ANKRD62: variants seen among roughly 807,000 people sequenced by gnomAD.
ANKRD62 encodes the protein ankyrin repeat domain-containing protein 62.
Under a neutral mutation model 98.8 loss-of-function variants are expected in ANKRD62, and 61 were observed. That is an observed-to-expected ratio of 0.62 (90% CI 0.50 to 0.76). The LOEUF (loss-of-function observed/expected upper bound fraction) is 0.76, where lower values mean the gene tolerates loss of function less well. ANKRD62 is among the 30% of genes least tolerant of loss of function. ANKRD62 has a pLI of 0.00. For synonymous variants in ANKRD62, 341 were observed against 367.9 expected, an observed-to-expected ratio of 0.93 and a Z score of 0.84; for missense variants, 933 against 1,082.9, an observed-to-expected ratio of 0.86 and a Z score of 1.94.
intron 6 of ANKRD62, among the ~76,000 whole-genome samples, chr18:12,100,101 G>A (rs1909266877): frequency 6.6e-6 from 1 of 151,998 alleles, no homozygotes; most frequent in Admixed American, 6.6e-5. Flanking sequence ...GTGGGATTTA[G>A]GGGTACCAGT....
chr18:12,178,596 A>G, the ANKRD62 span, among the ~76,000 whole-genome samples: 1 of 147,178 alleles, frequency 6.8e-6, no homozygotes, highest in African/African-American at 2.6e-5. Context: ...AAGTAAATAT[A>G]ATCGAGGTAT....
At chr18:12,096,077 T>C (rs78608733) in intron 3 of ANKRD62, 119 bp from the exon 4 acceptor site, 1 of 706,392 alleles carries the variant, frequency 1.4e-6, no homozygotes, top group Non-Finnish European at 2.3e-6. Context: ...AAGGAAGGGA[T>C]TGCTTTTTAT....
chr18:12,093,883 T>C lies in ANKRD62; in HGVS notation c.-135T>C. 1.3e-6 allele frequency: 1 copy of C among 779,622 alleles called. No individual in the cohort carries two copies. The highest frequency in any genetic ancestry group is 2.1e-6 in the Non-Finnish European group (1 of 477,582). 48.3% of individuals were successfully genotyped at this position (779,622 alleles called of 1,614,324 possible). On this transcript the variant is annotated 5_prime_UTR_variant, in exon 1 of 14. Transcript: ENST00000587848. ...GGTGCTCCTCCGAGCAGCTGGAGAC[T>C]GGAGTGTCCCTGACGGAGGTTGCGG...
the ANKRD62 span, among the ~76,000 whole-genome samples, chr18:12,155,828 A>G: frequency 6.6e-6 from 1 of 152,168 alleles, no homozygotes; most frequent in Non-Finnish European, 1.5e-5. Flanking sequence ...TGGAAAGGGT[A>G]CTTCCTTCAG....
rs1229945648 is a variant in ANKRD62 at position 12,094,108 on chromosome 18, G to C, written c.91G>C (p.Gly31Arg). The change falls in exon 1 of 14, where the codon GGG (glycine) becomes CGG (arginine). Residue 31 changes from glycine to arginine, a missense_variant. Gly to Arg is a moderately radical substitution (Grantham distance 125). Around this residue, in one of 3 missense-constraint regions of ANKRD62, gnomAD observed 549 missense variants for 587.9 expected, o/e 0.93. Transcript: ENST00000587848. ...TGACAAGGATGGCTTCTCAAATCCC[G>C]GGTACCGAGTCCGGCAGAAGGATCT... The part of the protein sequence containing the change: ...NRDKDGFSNP[G>R]YRVRQKDLGM... 3 of 1,534,478 alleles carry C rather than the reference G, an allele frequency of 2.0e-6. No homozygotes were observed. Among genetic ancestry groups the C allele is most frequent in the African/African-American group, 1.4e-5 (1 of 72,612 alleles).
At chr18:12,172,113 C>T in the ANKRD62 span, among the ~76,000 whole-genome samples, 2 of 151,026 alleles carry the variant, frequency 1.3e-5, no homozygotes. Context: ...TTTCTTATTA[C>T]TGATCATCTG....
the ANKRD62 span, among the ~76,000 whole-genome samples, chr18:12,172,875 G>A: frequency 1.3e-5 from 2 of 152,226 alleles, no homozygotes; most frequent in Non-Finnish European, 2.9e-5. Context: ...CTAGCAGTGA[G>A]TGAGGCTCCA....
chr18:12,135,046 C>CTTT, the ANKRD62 span, among the ~76,000 whole-genome samples: 2 of 145,448 alleles, frequency 1.4e-5, no homozygotes, highest in Non-Finnish European at 3.0e-5. Flanking sequence ...TGTTTCCTGA[C>CTTT]TTTTTTTTTT....
In ANKRD62 at chr18:12,096,196, G is replaced by A; in HGVS notation, c.508G>A (p.Asp170Asn). ...YGADIEARSQ[D>N]GHTSLLLAVN... is the part of the protein sequence containing the mutation. ...ATAAATTGTTTTTGCTGTTTTGCAG[G>A]ATGGACATACATCACTTTTACTCGC... Residue 170 changes from aspartate to asparagine, a missense_variant and splice_region_variant, in exon 4 of 14, where the codon GAT becomes AAT. Asp to Asn is a conservative substitution (Grantham distance 23). This residue lies in a region of ANKRD62 where 549 missense variants were observed against 587.9 expected (regional missense o/e 0.93). Coordinates refer to ENST00000587848, the MANE Select transcript of ANKRD62 (RefSeq NM_001277333.2). 6.6e-7 allele frequency: 1 copy of A among 1,522,282 alleles called. No homozygotes were observed. The highest frequency in any genetic ancestry group is 8.8e-7 in the Non-Finnish European group (1 of 1,137,286). 94.3% of individuals were successfully genotyped at this position (1,522,282 alleles called of 1,614,324 possible).
At chr18:12,097,986 T>G (rs1004402536) in intron 5 of ANKRD62, among the ~76,000 whole-genome samples, 1 of 152,216 alleles carries the variant, frequency 6.6e-6, no homozygotes, top group Non-Finnish European at 1.5e-5. Flanking sequence ...TCAAGTCTCT[T>G]AAGACTTCTA....
In ANKRD62 at chr18:12,124,117, A is replaced by G. The variant is rs183197721; in HGVS notation, c.1455-20A>G. 7 of 1,193,034 alleles carry G rather than the reference A, an allele frequency of 5.9e-6. No individual in the cohort carries two copies. Among genetic ancestry groups the G allele is most frequent in the South Asian group, 1.4e-5 (1 of 70,730 alleles). The allele number at this position is 1,193,034 out of a possible 1,614,324, so 73.9% of individuals were successfully genotyped here. On this transcript the variant is annotated intron_variant, in intron 11 of 13. Transcript: ENST00000587848. Reference sequence around the variant, plus strand: ...TGTTTTGTTTTTAAAGGCTTTTAAGATAAGTATATTTAACTACAGATTTAT... The same window carrying G: ...TGTTTTGTTTTTAAAGGCTTTTAAGGTAAGTATATTTAACTACAGATTTAT...
chr18:12,122,066 G>A (rs1335308085), intron 10 of ANKRD62, among the ~76,000 whole-genome samples: 3 of 152,084 alleles, frequency 2.0e-5, no homozygotes, highest in Non-Finnish European at 4.4e-5. Context: ...GCATCTATCC[G>A]AATTTGTAAT....
At chr18:12,178,172 T>C in the ANKRD62 span, among the ~76,000 whole-genome samples, 6 of 151,310 alleles carry the variant, frequency 4.0e-5, 1 homozygote, top group African/African-American at 1.5e-4. Flanking sequence ...GAAAGTGACA[T>C]GTAAGGCAAG....
rs1568065569 is a variant in ANKRD62, at chr18:12,123,787, C to CT, written c.1455-343dup. ...GTATCAACTTGTTTATAAAAAATAACTTTTTTTAAAATTAGCTAACTCTAA... is the reference window on the plus strand; with the variant it reads ...GTATCAACTTGTTTATAAAAAATAACTTTTTTTTAAAATTAGCTAACTCTAA... On this transcript the variant is annotated intron_variant, in intron 11 of 13. Transcript: ENST00000587848. Among the ~76,000 whole-genome samples, 8 of 152,226 alleles carry CT rather than the reference C, an allele frequency of 5.3e-5. No individual in the cohort carries two copies. The South Asian group carries it at 1.7e-3, about 32-fold the overall frequency.
At chr18:12,118,575 C>T (rs981494476) in intron 10 of ANKRD62, among the ~76,000 whole-genome samples, 3 of 148,040 alleles carry the variant, frequency 2.0e-5, no homozygotes, top group Non-Finnish European at 3.0e-5. Context: ...TGTCATCGCA[C>T]TCCAGTCTCG....
rs1047488532 is a variant in ANKRD62, at chr18:12,094,125, G to C, written c.108G>C (p.Gln36His). 6.5e-7 allele frequency: 1 copy of C among 1,534,172 alleles called. No homozygotes were observed. The highest frequency in any genetic ancestry group is 1.2e-5 in the South Asian group (1 of 83,926). Reference protein sequence around the residue: ...GFSNPGYRVRQKDLGMIHKAA... With the variant: ...GFSNPGYRVRHKDLGMIHKAA... The stretch of plus-strand genomic sequence containing the variant: ...CAAATCCCGGGTACCGAGTCCGGCA[G>C]AAGGATCTGGGCATGATCCACAAAG... The change falls in exon 1 of 14, where the codon CAG (glutamine) becomes CAC (histidine). Residue 36 changes from glutamine (Q) to histidine (H), a missense_variant. Transcript: ENST00000587848.
the ANKRD62 span, among the ~76,000 whole-genome samples, chr18:12,169,753 C>T: frequency 2.0e-5 from 3 of 152,076 alleles, no homozygotes; most frequent in Admixed American, 1.3e-4. Context: ...GCTGTGAATC[C>T]GTCTGGTCCT....
chr18:12,115,204 T>C (rs1419445909), intron 9 of ANKRD62, 83 bp downstream of exon 9: 1 of 1,323,344 alleles, frequency 7.6e-7, no homozygotes, highest in Non-Finnish European at 9.8e-7. Flanking sequence ...TCTTTTGCTG[T>C]AAAGACATTG....
chr18:12,172,444 G>A, the ANKRD62 span, among the ~76,000 whole-genome samples: 3 of 152,018 alleles, frequency 2.0e-5, no homozygotes, highest in Non-Finnish European at 2.9e-5. Context: ...ACTAGTGGAG[G>A]CTTGCAGAAC....
Sources: allele counts gnomAD v4.1 joint callset (sites outside exome capture counted in the v4.1 genomes callset), GRCh38; gene constraint gnomAD v4.1.1; regional missense constraint gnomAD v4.1.1; transcripts MANE v1.5; gene names NCBI Gene and HGNC (gene_info 2026-07-23, HGNC 2026-07-21).